Variants in BIRC6 observed in about 807,000 individuals in gnomAD.
The protein encoded by BIRC6 is baculoviral IAP repeat containing 6, also known as dual E2 ubiquitin-conjugating enzyme/E3 ubiquitin-protein ligase BIRC6.
BIRC6 carries 98 observed loss-of-function variants against 503.3 expected under a neutral mutation model. The observed-to-expected ratio is 0.19, with a 90% CI of 0.17 to 0.23. BIRC6 has a LOEUF of 0.23. BIRC6 is among the 10% of genes least tolerant of loss of function. The pLI is 1.00. For missense variants in BIRC6, 5,360 were observed against 5,806.0 expected, an observed-to-expected ratio of 0.92 and a Z score of 2.50; for synonymous variants, 2,240 against 2,078.7, an observed-to-expected ratio of 1.08 and a Z score of -2.11.
rs2060724674 is a variant in BIRC6, at chr2:32,582,275, A to G, written c.13355+6909A>G. 2.0e-5 allele frequency among the ~76,000 whole-genome samples: 3 copies of G among 152,046 alleles called. No homozygotes were observed. In the South Asian group the frequency reaches 6.2e-4, roughly 32 times the overall value. On this transcript the variant is annotated intron_variant, in intron 66 of 73. Coordinates refer to ENST00000421745, the MANE Select transcript of BIRC6 (RefSeq NM_016252.4). ...TATAATCCCAGCACTTTGGGAGGCCAAGGTGGGAGGATGATTGCTTGAGCC... is the reference window on the plus strand; with the variant it reads ...TATAATCCCAGCACTTTGGGAGGCCGAGGTGGGAGGATGATTGCTTGAGCC...
intron 57 of BIRC6, chr2:32,522,286 A>C (rs926013821): frequency 1.3e-5 from 2 of 151,950 alleles, no homozygotes; most frequent in East Asian, 1.9e-4. Flanking sequence ...GATGCCAGAC[A>C]ATGTAAATTT....
At chr2:32,477,347 A>G (rs781521221) in intron 34 of BIRC6, 21 bp from the exon 35 acceptor site, 1 of 1,607,990 alleles carries the variant, frequency 6.2e-7, no homozygotes, top group African/African-American at 1.3e-5. Flanking sequence ...TGATTTAAAC[A>G]CTATACATTT....
At chr2:32,494,417 G>A (rs539191830) in intron 45 of BIRC6, among the ~76,000 whole-genome samples, 1 of 151,438 alleles carries the variant, frequency 6.6e-6, no homozygotes, top group Non-Finnish European at 1.5e-5. Flanking sequence ...TAGTAGAGAC[G>A]GGGTTTCACT....
intron 1 of BIRC6, among the ~76,000 whole-genome samples, chr2:32,361,760 C>G (rs2034127148): frequency 6.6e-6 from 1 of 152,108 alleles, no homozygotes; most frequent in Non-Finnish European, 1.5e-5. Flanking sequence ...ATAGTTTTGC[C>G]TTATTCAGAA....
rs199899724 is a variant in BIRC6 at position 32,502,753 on chromosome 2, C to T, written c.9208-42C>T. The T allele has an allele frequency of 4.0e-3, 5,827 of 1,458,230 alleles. 21 individuals are homozygous for T. Among genetic ancestry groups the T allele is most frequent in the Non-Finnish European group, 4.6e-3 (4,879 of 1,059,622 alleles). 90.3% of individuals were successfully genotyped at this position (1,458,230 alleles called of 1,614,324 possible). A position where few individuals can be genotyped will look rare whatever the true frequency, so the allele number is the denominator to read the frequency against. On this transcript the variant is annotated intron_variant, in intron 47 of 73. Coordinates refer to ENST00000421745, the MANE Select transcript of BIRC6 (RefSeq NM_016252.4). ...ATGCATTGAGTTTAGTTCTTATTCA[C>T]AGGAATATATAAAGTCATAATATGC...
At chr2:32,534,323 G>A (rs1295175543) in intron 61 of BIRC6, among the ~76,000 whole-genome samples, 3 of 144,780 alleles carry the variant, frequency 2.1e-5, no homozygotes, top group South Asian at 2.2e-4. Flanking sequence ...GCAGTGAGCC[G>A]AGATGGCTTC....
At chr2:32,473,724 TGTGTGTGTGTGTGTGTGTGTGTG>T (rs2049361971) in intron 33 of BIRC6, among the ~76,000 whole-genome samples, 1 of 138,980 alleles carries the variant, frequency 7.2e-6, no homozygotes, top group African/African-American at 2.7e-5. Flanking sequence ...TGTGTGTGTG[TGTGTGTGTGTGTGTGTGTGTGTG>T]TGTATTTTTT....
chr2:32,501,975 ATATT>A (rs746494315), intron 47 of BIRC6, 87 bp downstream of exon 47: 2 of 1,199,130 alleles, frequency 1.7e-6, no homozygotes, highest in Non-Finnish European at 2.3e-6. Context: ...ATAAATAAGT[ATATT>A]TATTATATAT....
At chr2:32,535,150 CAAAAAAAAAAAA>C (rs1158856665) in intron 61 of BIRC6, among the ~76,000 whole-genome samples, 8 of 7,276 alleles carry the variant, frequency 1.1e-3, no homozygotes, top group African/African-American at 4.3e-4. Flanking sequence ...CCCAAAAAAG[CAAAAAAAAAAAA>C]AAAAAAAAAA....
At chr2:32,360,031 ATAGAG>A (rs1558516070) in intron 1 of BIRC6, among the ~76,000 whole-genome samples, 4 of 152,358 alleles carry the variant, frequency 2.6e-5, no homozygotes, top group South Asian at 4.1e-4. Context: ...AGCCCTATAA[ATAGAG>A]TAGAGAGAAG....
intron 26 of BIRC6, among the ~76,000 whole-genome samples, chr2:32,466,048 G>A (rs776734988): frequency 8.5e-5 from 13 of 152,080 alleles, no homozygotes; most frequent in Admixed American, 2.0e-4. Flanking sequence ...AGCAATGACT[G>A]TAGTACATAA....
chr2:32,467,451 T>G, intron 26 of BIRC6, 74 bp from the exon 27 acceptor site: 1 of 1,175,874 alleles, frequency 8.5e-7, no homozygotes. Context: ...AGATGAGTGC[T>G]CCAAATTATT....
intron 36 of BIRC6, 102 bp downstream of exon 36, chr2:32,478,920 C>A: frequency 1.8e-6 from 2 of 1,112,152 alleles, no homozygotes; most frequent in Non-Finnish European, 2.6e-6. Flanking sequence ...GATCTTTAAC[C>A]CCCTAAAAGC....
Position 32,439,620 on chromosome 2 carries a change from C to T in BIRC6, c.3744C>T (p.Ser1248=). 6.2e-7 allele frequency: 1 copy of T among 1,613,862 alleles called. No individual in the cohort carries two copies. The highest frequency in any genetic ancestry group is 8.5e-7 in the Non-Finnish European group (1 of 1,179,856). ...GGMRPVVRLP[S]LKHQSNKGYS... ...TGCGTCCTGTAGTAAGGCTTCCATC[C>T]CTAAAACACCAGAGTAACAAGGGTT... The change falls in exon 16 of 74, where the codon TCC becomes TCT. Residue 1248 remains serine, a synonymous_variant. Coordinates refer to ENST00000421745, the MANE Select transcript of BIRC6 (RefSeq NM_016252.4).
At chr2:32,569,808 T>A (rs2059800462) in intron 65 of BIRC6, among the ~76,000 whole-genome samples, 1 of 152,200 alleles carries the variant, frequency 6.6e-6, no homozygotes, top group South Asian at 2.1e-4. Flanking sequence ...ATTGAATTCA[T>A]GTATCAAATC....
chr2:32,445,677 G>A lies in BIRC6; in HGVS notation c.4484+9G>A, dbSNP rs754834526. On this transcript the variant is annotated intron_variant, in intron 21 of 73. Transcript: ENST00000421745. ...GCTTTACTTCAGACAAGGTATTTTA[G>A]TATATCTAATGACTAATAATAGGCG... is the stretch of plus-strand genomic sequence containing the variant. 1 of 1,513,330 alleles carries A rather than the reference G, an allele frequency of 6.6e-7. No homozygotes were observed. Among genetic ancestry groups the A allele is most frequent in the Admixed American group, 2.2e-5 (1 of 45,282 alleles). The allele number at this position is 1,513,330 out of a possible 1,614,324, so 93.7% of individuals were successfully genotyped here.
chr2:32,444,691 C>T (rs983228677), intron 20 of BIRC6, among the ~76,000 whole-genome samples: 1 of 152,120 alleles, frequency 6.6e-6, no homozygotes, highest in Admixed American at 6.5e-5. Context: ...TTTAAAAAAA[C>T]AACCCATTCA....
rs1161174666 is a variant in BIRC6 at position 32,435,099 on chromosome 2, G to A, written c.3410-397G>A. On this transcript the variant is annotated intron_variant, in intron 13 of 73. Coordinates refer to ENST00000421745, the MANE Select transcript of BIRC6 (RefSeq NM_016252.4). ...TGTCTGTATATTTATGTGAGTCTGT[G>A]TGTATATGGATATGTTCATATGTGT... Among the ~76,000 whole-genome samples, 4 of 152,156 alleles carry A rather than the reference G, an allele frequency of 2.6e-5. No homozygotes were observed. In the East Asian group the frequency reaches 7.7e-4, roughly 29 times the overall value.
Position 32,430,831 on chromosome 2 carries a change from A to G in BIRC6, c.3023-34A>G, listed in dbSNP as rs764028426. 6 of 725,524 alleles carry G rather than the reference A, an allele frequency of 8.3e-6. No individual in the cohort carries two copies. The South Asian group carries it at 9.7e-5, about 12-fold the overall frequency. 44.9% of individuals were successfully genotyped at this position (725,524 alleles called of 1,614,324 possible). On this transcript the variant is annotated intron_variant, in intron 11 of 73. Coordinates refer to ENST00000421745, the MANE Select transcript of BIRC6 (RefSeq NM_016252.4). ...TTTTTTTTTTTTTTTTTTTTTCCAC[A>G]CCTATTTCAAATACTGCTCTCACTA...
Sources: allele counts gnomAD v4.1 joint callset (sites outside exome capture counted in the v4.1 genomes callset), GRCh38; gene constraint gnomAD v4.1.1; transcripts MANE v1.5; gene names NCBI Gene and HGNC (gene_info 2026-07-23, HGNC 2026-07-21).